DHX8: variants seen among roughly 807,000 people sequenced by gnomAD.
DHX8 encodes ATP-dependent RNA helicase DHX8.
In DHX8, 67 loss-of-function variants were observed where a neutral mutation model predicts 140.7. The observed-to-expected ratio is 0.48, with a 90% CI of 0.39 to 0.58. The LOEUF (loss-of-function observed/expected upper bound fraction) is 0.58. Ranked by LOEUF, DHX8 falls within the 20% of genes least tolerant of loss-of-function variation. The pLI, the probability that DHX8 is intolerant of heterozygous loss-of-function variation, is 0.00. For missense variants in DHX8, 887 were observed against 1,550.7 expected (o/e 0.57, Z 7.19); for synonymous variants, 533 against 553.2 (o/e 0.96, Z 0.51).
At chr17:43,530,997 C>T (rs1172828771), downstream of DHX8, among the ~76,000 whole-genome samples, 1 of 152,124 alleles carries the variant, frequency 6.6e-6, no homozygotes, top group African/African-American at 2.4e-5. Context: ...AACACAATCC[C>T]CTCCGGTCTA....
At chr17:43,523,128 G>GC (rs1473463385) in intron 22 of DHX8, among the ~76,000 whole-genome samples, 3 of 146,508 alleles carry the variant, frequency 2.0e-5, no homozygotes, top group African/African-American at 7.5e-5. Context: ...AAAAAAACTT[G>GC]TTTTAAAGTA....
At position 43,520,964 on chromosome 17, in the gene DHX8, CTTTTTT is replaced by C. The variant is rs10672223; in HGVS notation, c.3066+104_3066+109del. 2,272 of 399,404 alleles carry C rather than the reference CTTTTTT, an allele frequency of 5.7e-3. 35 individuals carry two copies. The African/African-American group carries it at 0.087, about 15-fold the overall frequency. 24.7% of individuals were successfully genotyped at this position (399,404 alleles called of 1,614,324 possible). A position where few individuals can be genotyped will look rare whatever the true frequency, so the allele number is the denominator to read the frequency against. On this transcript the variant is annotated intron_variant, in intron 20 of 22. Transcript: ENST00000262415. ...TTGCCATTCCAATGCTTGATGTGGA[CTTTTTT>C]TTTTTTTTTTTTTTTTTTGAGATGG...
At chr17:43,509,566 C>G (rs1407138738) in intron 16 of DHX8, among the ~76,000 whole-genome samples, 3 of 152,004 alleles carry the variant, frequency 2.0e-5, no homozygotes, top group Middle Eastern at 3.4e-3. Flanking sequence ...TCACTGCAAC[C>G]TCTGCCTTTC....
At chr17:43,537,550 G>C (rs942131810) in intron 3 of DHX8, among the ~76,000 whole-genome samples, 6 of 151,268 alleles carry the variant, frequency 4.0e-5, no homozygotes, top group Admixed American at 3.3e-4. Context: ...TAAAAAATTA[G>C]TCAGGCGTGG....
chr17:43,488,034 C>T (rs1968275399), intron 1 of DHX8, among the ~76,000 whole-genome samples: 1 of 151,724 alleles, frequency 6.6e-6, no homozygotes, highest in African/African-American at 2.4e-5. Flanking sequence ...AATCCCAGAA[C>T]TTTGGGAGGC....
At chr17:43,487,592 A>G (rs1328780664) in intron 1 of DHX8, among the ~76,000 whole-genome samples, 1 of 152,146 alleles carries the variant, frequency 6.6e-6, no homozygotes, top group Admixed American at 6.5e-5. Flanking sequence ...GGGCTCGAGC[A>G]ATCTGCCCAC....
At chr17:43,484,943 C>G (rs192824137) in intron 1 of DHX8, among the ~76,000 whole-genome samples, 5 of 152,290 alleles carry the variant, frequency 3.3e-5, no homozygotes, top group African/African-American at 9.6e-5. Flanking sequence ...GCGTCCTGTA[C>G]TATGTCTTAA....
At chr17:43,533,615 G>A (rs1169387572) in intron 2 of DHX8, among the ~76,000 whole-genome samples, 2 of 152,058 alleles carry the variant, frequency 1.3e-5, no homozygotes, top group African/African-American at 4.8e-5. Context: ...GTTTAGGTGG[G>A]ACAGTGGGCC....
downstream of DHX8, chr17:43,529,643 C>T (rs781756365): frequency 6.3e-5 from 101 of 1,613,554 alleles, no homozygotes; most frequent in Non-Finnish European, 7.7e-5. Context: ...CGGCCCCTCT[C>T]GAAATGCACC....
intron 3 of DHX8, chr17:43,536,511 C>A (rs770432644): frequency 6.2e-7 from 1 of 1,611,188 alleles, no homozygotes. Context: ...GAGTTTGGGG[C>A]GGAGCCCTGG....
rs1473279894 is a variant in DHX8 at position 43,493,055 on chromosome 17, T to A, written c.863+15T>A. 2.5e-6 allele frequency: 4 copies of A among 1,604,730 alleles called. No individual in the cohort carries two copies. In the African/African-American group the frequency reaches 5.4e-5, roughly 21 times the overall value. On this transcript the variant is annotated intron_variant, in intron 6 of 22. Transcript: ENST00000262415. ...GAAGGACTAAGGTAATGACTGGTGCTCTTTTGTTCACACCAGTGATGGGCA... is the reference window on the plus strand; with the variant it reads ...GAAGGACTAAGGTAATGACTGGTGCACTTTTGTTCACACCAGTGATGGGCA...
intron 12 of DHX8, among the ~76,000 whole-genome samples, chr17:43,505,948 T>C (rs1338385653): frequency 3.9e-5 from 6 of 152,080 alleles, no homozygotes; most frequent in Non-Finnish European, 5.9e-5. Flanking sequence ...GGCAGTGATA[T>C]TATATACACT....
chr17:43,523,522 G>A lies in DHX8; in HGVS notation c.3444-106G>A, dbSNP rs891680324. On this transcript the variant is annotated intron_variant, in intron 22 of 22. Transcript: ENST00000262415. Reference sequence around the variant, plus strand: ...GTCTTATAGGTGTCAGGCAGGAGAGGTAATAGTATAAAATGTAAGCTCAGC... The same window carrying A: ...GTCTTATAGGTGTCAGGCAGGAGAGATAATAGTATAAAATGTAAGCTCAGC... 21 of 1,527,996 alleles carry A rather than the reference G, an allele frequency of 1.4e-5. No homozygotes were observed. The African/African-American group carries it at 2.2e-4, about 16-fold the overall frequency. 94.7% of individuals were successfully genotyped at this position (1,527,996 alleles called of 1,614,324 possible).
intron 1 of DHX8, among the ~76,000 whole-genome samples, chr17:43,488,849 A>G (rs959991275): frequency 1.3e-5 from 2 of 152,146 alleles, no homozygotes; most frequent in South Asian, 2.1e-4. Context: ...AGAGGGTACC[A>G]TGATGTGGGT....
At chr17:43,534,921 A>G (rs1971156941) in intron 2 of DHX8, among the ~76,000 whole-genome samples, 1 of 152,360 alleles carries the variant, frequency 6.6e-6, no homozygotes, top group African/African-American at 2.4e-5. Flanking sequence ...AGCCTGGGCA[A>G]CAAGAGTGAA....
downstream of DHX8, chr17:43,530,530 G>T: frequency 1.1e-6 from 1 of 924,872 alleles, no homozygotes; most frequent in Non-Finnish European, 1.5e-6. Context: ...AAAGAGTTCG[G>T]TGTCCACGCC....
At chr17:43,527,702 G>A (rs137882291), downstream of DHX8, 31 of 191,488 alleles carry the variant, frequency 1.6e-4, no homozygotes, top group East Asian at 2.5e-3. Flanking sequence ...GAAACAGTCA[G>A]GTGAACTGCC....
rs749877924 is a variant in DHX8, at chr17:43,492,827, A to C, written c.650A>C (p.Lys217Thr). ...RSRSRTRERN[K>T]VKSRYRSRSR... ...CGTTCCAGGACCCGGGAGAGGAATA[A>C]AGTGAAGTCTAGATATCGGTCCAGG... The change falls in exon 6 of 23, where the codon AAA becomes ACA. Residue 217 changes from lysine (K) to threonine (T), a missense_variant. Physicochemically the swap from Lys to Thr is moderately conservative, Grantham distance 78. Transcript: ENST00000262415. 5 of 1,614,156 alleles carry C rather than the reference A, an allele frequency of 3.1e-6. No individual in the cohort carries two copies. The South Asian group carries it at 5.5e-5, about 18-fold the overall frequency.
Position 43,493,729 on chromosome 17 carries a change from G to A in DHX8, c.1055G>A (p.Arg352Gln), listed in dbSNP as rs1181983132. ...GAAGATCTAAACCCAAATAGACGGC[G>A]AAATCTTGTCGGGGAGACCAATGAG... ...TGEDLNPNRR[R>Q]NLVGETNEET... is the part of the protein sequence containing the mutation. The change falls in exon 8 of 23, where the codon CGA becomes CAA. Residue 352 changes from arginine (R) to glutamine (Q), a missense_variant. Physicochemically the swap from Arg to Gln is conservative, Grantham distance 43. Transcript: ENST00000262415. 2 of 1,614,080 alleles carry A rather than the reference G, an allele frequency of 1.2e-6. No homozygotes were observed. The highest frequency in any genetic ancestry group is 2.2e-5 in the East Asian group (1 of 44,900).
Sources: allele counts gnomAD v4.1 joint callset (sites outside exome capture counted in the v4.1 genomes callset), GRCh38; gene constraint gnomAD v4.1.1; transcripts MANE v1.5; gene names NCBI Gene and HGNC (gene_info 2026-07-23, HGNC 2026-07-21).